Variants in TAFA1 observed in about 807,000 individuals in gnomAD.
TAFA1 encodes chemokine-like protein TAFA-1.
A neutral mutation model predicts 18.5 loss-of-function variants in TAFA1; 4 were observed. That is an observed-to-expected ratio of 0.22 (90% CI 0.11 to 0.49). The LOEUF (loss-of-function observed/expected upper bound fraction) is 0.49, where lower values mean the gene tolerates loss of function less well. Ranked by LOEUF, TAFA1 falls within the 20% of genes least tolerant of loss-of-function variation. The pLI is 0.98. For missense variants in TAFA1, 147 were observed against 169.0 expected (o/e 0.87, Z 0.72); for synonymous variants, 56 against 55.2 (o/e 1.01, Z -0.06).
At chr3:68,165,177 T>C (rs2065969364) in intron 2 of TAFA1, among the ~76,000 whole-genome samples, 1 of 152,198 alleles carries the variant, frequency 6.6e-6, no homozygotes, top group Admixed American at 6.5e-5. Flanking sequence ...AATCTCACCT[T>C]CTATCTGATG....
rs374093706 is a variant in TAFA1, at chr3:68,301,644, A to AT, written c.119-115627dup. ...ACATCTCTCTGCACTGAAAAGATGG[A>AT]TTTTTTTTTAAGTCAAACAGAAGAG... On this transcript the variant is annotated intron_variant, in intron 2 of 4. Transcript: ENST00000478136. Among the ~76,000 whole-genome samples, 199 of 151,734 alleles carry AT rather than the reference A, an allele frequency of 1.3e-3. 2 individuals are homozygous for AT. The highest frequency in any genetic ancestry group is 3.4e-3 in the Middle Eastern group (1 of 294).
At chr3:68,102,371 G>C (rs954711503) in intron 2 of TAFA1, among the ~76,000 whole-genome samples, 4 of 152,122 alleles carry the variant, frequency 2.6e-5, no homozygotes, top group Non-Finnish European at 5.9e-5. Flanking sequence ...AGGTAACTGT[G>C]ATATTACAAT....
At chr3:68,047,044 T>C (rs954539325) in intron 2 of TAFA1, among the ~76,000 whole-genome samples, 4 of 152,234 alleles carry the variant, frequency 2.6e-5, no homozygotes, top group Admixed American at 6.6e-5. Context: ...GTGTGATATC[T>C]ATGAAAAACT....
At chr3:68,365,930 C>T (rs1285830000) in intron 2 of TAFA1, among the ~76,000 whole-genome samples, 2 of 151,616 alleles carry the variant, frequency 1.3e-5, no homozygotes, top group Non-Finnish European at 2.9e-5. Flanking sequence ...ACTAAAAATA[C>T]AAAAATTAGC....
chr3:68,263,710 C>A (rs1285551843), intron 2 of TAFA1, among the ~76,000 whole-genome samples: 1 of 152,006 alleles, frequency 6.6e-6, no homozygotes, highest in Non-Finnish European at 1.5e-5. Flanking sequence ...ATCCAGGATA[C>A]CATCCCCTGC....
intron 2 of TAFA1, among the ~76,000 whole-genome samples, chr3:68,100,093 A>G (rs1469575172): frequency 6.6e-6 from 1 of 152,142 alleles, no homozygotes; most frequent in East Asian, 1.9e-4. Flanking sequence ...CCCAAACCTC[A>G]GCATCACTCA....
chr3:68,368,487 A>G (rs1041279768), intron 2 of TAFA1, among the ~76,000 whole-genome samples: 2 of 152,170 alleles, frequency 1.3e-5, no homozygotes, highest in African/African-American at 4.8e-5. Flanking sequence ...TGTAGATAAC[A>G]TAGTCTAAGT....
chr3:68,092,574 T>G (rs1203363690), intron 2 of TAFA1, among the ~76,000 whole-genome samples: 1 of 152,146 alleles, frequency 6.6e-6, no homozygotes, highest in Non-Finnish European at 1.5e-5. Flanking sequence ...GGAAGGAAAG[T>G]GAGTCATGTT....
chr3:68,395,498 C>G (rs2070360521), intron 2 of TAFA1, among the ~76,000 whole-genome samples: 1 of 151,236 alleles, frequency 6.6e-6, no homozygotes, highest in African/African-American at 2.4e-5. Context: ...GTTTACTGCA[C>G]ATGCACACAT....
intron 2 of TAFA1, among the ~76,000 whole-genome samples, chr3:68,348,354 C>G (rs537399431): frequency 5.3e-5 from 8 of 152,224 alleles, no homozygotes; most frequent in Non-Finnish European, 8.8e-5. Context: ...TACTTATGGA[C>G]TGCTTCATAA....
chr3:68,276,577 A>G (rs1467846656), intron 2 of TAFA1, among the ~76,000 whole-genome samples: 2 of 152,216 alleles, frequency 1.3e-5, no homozygotes, highest in Non-Finnish European at 2.9e-5. Flanking sequence ...TGTATCGTAC[A>G]TGCATTCTTA....
intron 2 of TAFA1, among the ~76,000 whole-genome samples, chr3:68,315,683 CA>C (rs1453526261): frequency 6.6e-6 from 1 of 152,116 alleles, no homozygotes; most frequent in Non-Finnish European, 1.5e-5. Context: ...GCACACTATG[CA>C]AATTGTGTTT....
intron 3 of TAFA1, among the ~76,000 whole-genome samples, chr3:68,535,384 G>GA (rs143280757): frequency 0.032 from 3,973 of 123,056 alleles, 101 homozygotes; most frequent in African/African-American, 0.087. Flanking sequence ...CCATCAAAAA[G>GA]AAAAAAAAAA....
At chr3:68,119,238 T>C (rs1217520988) in intron 2 of TAFA1, among the ~76,000 whole-genome samples, 1 of 152,174 alleles carries the variant, frequency 6.6e-6, no homozygotes, top group Non-Finnish European at 1.5e-5. Context: ...GGTTTTGTTG[T>C]TGCTGTTGTT....
At chr3:68,342,098 A>G (rs535920442) in intron 2 of TAFA1, among the ~76,000 whole-genome samples, 57 of 152,294 alleles carry the variant, frequency 3.7e-4, no homozygotes, top group African/African-American at 1.3e-3. Context: ...CTTTTGACCA[A>G]TTCTGAAAGC....
intron 2 of TAFA1, among the ~76,000 whole-genome samples, chr3:68,315,976 A>C (rs1559613830): frequency 6.6e-6 from 1 of 152,228 alleles, no homozygotes; most frequent in Non-Finnish European, 1.5e-5. Flanking sequence ...TGAAGAAAGA[A>C]GAAAGCAGTG....
chr3:68,106,255 A>G (rs1301023085), intron 2 of TAFA1, among the ~76,000 whole-genome samples: 2 of 152,108 alleles, frequency 1.3e-5, no homozygotes, highest in African/African-American at 4.8e-5. Context: ...AATACTAAAT[A>G]TAAAATTAGA....
chr3:68,510,369 A>G (rs1400613361), intron 3 of TAFA1, among the ~76,000 whole-genome samples: 2 of 152,122 alleles, frequency 1.3e-5, no homozygotes, highest in Non-Finnish European at 2.9e-5. Context: ...TGCTTAAAGG[A>G]CAGAAAGTAG....
At chr3:68,536,777 T>C (rs1476011830) in intron 3 of TAFA1, among the ~76,000 whole-genome samples, 1 of 152,214 alleles carries the variant, frequency 6.6e-6, no homozygotes, top group Non-Finnish European at 1.5e-5. Flanking sequence ...CAGCTTCCTA[T>C]TGTGGTCATC....
Sources: gnomAD v4.1 joint callset for allele counts (sites outside exome capture counted in the v4.1 genomes callset) on GRCh38, gnomAD v4.1.1 for gene constraint, MANE v1.5 for transcripts, NCBI Gene and HGNC (gene_info 2026-07-23, HGNC 2026-07-21) for gene names.